Variants in DDX19A observed in about 807,000 individuals in gnomAD.
DDX19A encodes the protein ATP-dependent RNA helicase DDX19A.
A neutral mutation model predicts 60.6 loss-of-function variants in DDX19A; 12 were observed. That is an observed-to-expected ratio of 0.20 (90% CI 0.13 to 0.32). DDX19A has a LOEUF of 0.32. Among genes scored for constraint, DDX19A ranks in the 10% least tolerant of loss-of-function variants. The probability of loss-of-function intolerance (pLI) is 1.00; values close to 1 mark genes in which losing one functional copy is unlikely to be tolerated. For synonymous variants in DDX19A, 206 were observed against 218.2 expected, an observed-to-expected ratio of 0.94 and a Z score of 0.49; for missense variants, 337 against 600.6, an observed-to-expected ratio of 0.56 and a Z score of 4.59.
rs560443179 is a variant in DDX19A at position 70,369,173 on chromosome 16, G to GTT, written c.1021-1026_1021-1025dup. 2.9e-3 allele frequency among the ~76,000 whole-genome samples: 277 copies of GTT among 96,322 alleles called. 1 individual carries two copies. The highest frequency in any genetic ancestry group is 4.0e-3 in the Non-Finnish European group (201 of 50,704). 63.2% of individuals were successfully genotyped at this position (96,322 alleles called of 152,430 possible). The stretch of plus-strand genomic sequence containing the variant: ...TGAACCACCGTGCCCGGCCAATCTG[G>GTT]TTTTTTTTTTTTTTTTTTTTTTTTT... On this transcript the variant is annotated intron_variant, in intron 9 of 11. Transcript: ENST00000302243.
chr16:70,357,366 G>GTTTTTGTTTTTTTTTTTT (rs1964237287), intron 4 of DDX19A, among the ~76,000 whole-genome samples: 1 of 44,596 alleles, frequency 2.2e-5, no homozygotes, highest in African/African-American at 8.9e-5. Context: ...TTTTTGGTTT[G>GTTTTTGTTTTTTTTTTTT]TTTTTTTTTT....
rs138765022 is a variant in DDX19A at position 70,356,601 on chromosome 16, G to A, written c.293+354G>A. Among the ~76,000 whole-genome samples, 1,430 of 151,968 alleles carry A rather than the reference G, an allele frequency of 9.4e-3. 30 individuals carry two copies. The highest frequency in any genetic ancestry group is 0.032 in the African/African-American group (1,347 of 41,448). On this transcript the variant is annotated intron_variant, in intron 4 of 11. Transcript: ENST00000302243. ...TTGAACTCCTGACCTCAGGTGATCTGCCTGCCTCGGCCTCTCAAGGTGCTG... is the reference window on the plus strand; with the variant it reads ...TTGAACTCCTGACCTCAGGTGATCTACCTGCCTCGGCCTCTCAAGGTGCTG...
At chr16:70,367,845 C>A (rs1160654025) in intron 9 of DDX19A, among the ~76,000 whole-genome samples, 1 of 151,404 alleles carries the variant, frequency 6.6e-6, no homozygotes, top group East Asian at 1.9e-4. Context: ...CCCCTGCACT[C>A]CAGCCTGGGT....
At position 70,367,832 on chromosome 16, in the gene DDX19A, G is replaced by A. The variant is rs372036239; in HGVS notation, c.1020+971G>A. 5.3e-5 allele frequency among the ~76,000 whole-genome samples: 8 copies of A among 151,252 alleles called. No homozygotes were observed. In the East Asian group the frequency reaches 5.9e-4, roughly 11 times the overall value. ...GCGGAGATTGCAGTGAGCTGAGATC[G>A]TGCCCCTGCACTCCAGCCTGGGTGA... On this transcript the variant is annotated intron_variant, in intron 9 of 11. Transcript: ENST00000302243.
At chr16:70,353,129 C>CTTT (rs1308743627) in intron 2 of DDX19A, among the ~76,000 whole-genome samples, 31 of 144,670 alleles carry the variant, frequency 2.1e-4, no homozygotes, top group African/African-American at 7.2e-4. Flanking sequence ...TTCTTTCTTT[C>CTTT]TTTTTTTTTT....
chr16:70,360,384 A>C (rs1964332482), intron 4 of DDX19A, among the ~76,000 whole-genome samples: 1 of 146,530 alleles, frequency 6.8e-6, no homozygotes, highest in Non-Finnish European at 1.5e-5. Context: ...GCAGCGGGGC[A>C]ATCATGGCTC....
rs532419412 is a variant in DDX19A at position 70,360,292 on chromosome 16, T to A, written c.294-1126T>A. 6.1e-4 allele frequency among the ~76,000 whole-genome samples: 84 copies of A among 137,472 alleles called. 2 individuals carry two copies. The highest frequency in any genetic ancestry group is 4.3e-3 in the Admixed American group (58 of 13,518). The allele number at this position is 137,472 out of a possible 152,430, so 90.2% of individuals were successfully genotyped here. A position where few individuals can be genotyped will look rare whatever the true frequency, so the allele number is the denominator to read the frequency against. ...CAAGACTCCATCTCAAAAAAAAAAA[T>A]TTTTTTTTTCTTTTTTCTTTCTTTC... is the stretch of plus-strand genomic sequence containing the variant. On this transcript the variant is annotated intron_variant, in intron 4 of 11. Transcript: ENST00000302243.
chr16:70,361,305 C>A (rs562769985), intron 4 of DDX19A, 113 bp from the exon 5 acceptor site: 4 of 815,388 alleles, frequency 4.9e-6, no homozygotes, highest in Non-Finnish European at 6.1e-6. Flanking sequence ...TAGGAAAATA[C>A]GTCTGACAGA....
At chr16:70,350,901 G>T (rs149993927) in intron 2 of DDX19A, among the ~76,000 whole-genome samples, 1 of 148,146 alleles carries the variant, frequency 6.8e-6, no homozygotes, top group Non-Finnish European at 1.5e-5. Flanking sequence ...ATTTTGAGAC[G>T]GAGTCTCGCT....
chr16:70,350,598 T>C lies in DDX19A; in HGVS notation c.99T>C (p.Asp33=), dbSNP rs1241535324. ...TCAAGGAAGAGAAAGTCAAAGCAGA[T>C]ACCAATGGTGAGTCACTAGTAACTA... ...LQIKEEKVKA[D]TNGIIKTSTT... is the part of the protein sequence containing the mutation. Residue 33 remains aspartate (D), a synonymous_variant, in exon 2 of 12, where the codon GAT becomes GAC. Coordinates refer to ENST00000302243, the MANE Select transcript of DDX19A (RefSeq NM_018332.5). 9 of 1,611,578 alleles carry C rather than the reference T, an allele frequency of 5.6e-6. No homozygotes were observed. Among genetic ancestry groups the C allele is most frequent in the Non-Finnish European group, 7.6e-6 (9 of 1,178,816 alleles).
intron 2 of DDX19A, among the ~76,000 whole-genome samples, chr16:70,354,644 A>G (rs1468400460): frequency 1.3e-5 from 2 of 151,930 alleles, no homozygotes; most frequent in African/African-American, 4.8e-5. Context: ...CAAAATTTCT[A>G]GAAATTTAAA....
At chr16:70,353,133 T>C (rs138814606) in intron 2 of DDX19A, among the ~76,000 whole-genome samples, 3,685 of 151,756 alleles carry the variant, frequency 0.024, 56 homozygotes, top group Non-Finnish European at 0.034. Flanking sequence ...TTCTTTCTTT[T>C]TTTTTTTCTT....
intron 9 of DDX19A, among the ~76,000 whole-genome samples, chr16:70,368,756 GT>G (rs1162684677): frequency 6.6e-6 from 1 of 152,080 alleles, no homozygotes; most frequent in African/African-American, 2.4e-5. Context: ...AGCCAGTCAA[GT>G]TTTGCTTGTT....
Position 70,350,545 on chromosome 16 carries a change from A to C in DDX19A, c.58-12A>C, listed in dbSNP as rs1370635270. On this transcript the variant is annotated splice_polypyrimidine_tract_variant and intron_variant, in intron 1 of 11. Coordinates refer to ENST00000302243, the MANE Select transcript of DDX19A (RefSeq NM_018332.5). ...CCTTTGCTTAACTCTGTTTTCTTTT[A>C]TTTCTATTCAGATGACCAATTTGCA... is the stretch of plus-strand genomic sequence containing the variant. The C allele has an allele frequency of 6.2e-7, 1 of 1,605,478 alleles. No homozygotes were observed. The highest frequency in any genetic ancestry group is 1.1e-5 in the South Asian group (1 of 89,378).
At position 70,358,839 on chromosome 16, in the gene DDX19A, G is replaced by A. The variant is rs149847968; in HGVS notation, c.294-2579G>A. 5.0e-4 allele frequency among the ~76,000 whole-genome samples: 76 copies of A among 152,168 alleles called. 1 individual carries two copies. The East Asian group carries it at 0.014, about 27-fold the overall frequency. ...GCACTCCAGCCTGGGAGATAAAAGC[G>A]AAACTCCTTCTCAAACGGAAATTAT... On this transcript the variant is annotated intron_variant, in intron 4 of 11. Coordinates refer to ENST00000302243, the MANE Select transcript of DDX19A (RefSeq NM_018332.5).
intron 2 of DDX19A, among the ~76,000 whole-genome samples, chr16:70,351,919 A>G (rs368674275): frequency 1.3e-5 from 2 of 152,024 alleles, no homozygotes; most frequent in Admixed American, 6.6e-5. Context: ...CAAAACTCAG[A>G]AAGTATAATA....
At chr16:70,359,289 G>A (rs1964305831) in intron 4 of DDX19A, among the ~76,000 whole-genome samples, 1 of 152,166 alleles carries the variant, frequency 6.6e-6, no homozygotes, top group Non-Finnish European at 1.5e-5. Context: ...AAGCTGCCGA[G>A]TGTCACAGCA....
intron 5 of DDX19A, 50 bp downstream of exon 5, chr16:70,361,560 T>A: frequency 6.7e-7 from 1 of 1,483,456 alleles, no homozygotes; most frequent in Non-Finnish European, 9.3e-7. Flanking sequence ...AGATCAATCT[T>A]CCCCAAACTG....
intron 10 of DDX19A, 115 bp from the exon 11 acceptor site, chr16:70,371,257 G>C (rs1025292474): frequency 6.3e-7 from 1 of 1,589,796 alleles, no homozygotes; most frequent in African/African-American, 1.3e-5. Context: ...GAGTTGGCCT[G>C]TCCCAAATTC....
Sources: allele counts gnomAD v4.1 joint callset (sites outside exome capture counted in the v4.1 genomes callset), GRCh38; gene constraint gnomAD v4.1.1; transcripts MANE v1.5; gene names NCBI Gene and HGNC (gene_info 2026-07-23, HGNC 2026-07-21).